DAPK1: variants seen among roughly 807,000 people sequenced by gnomAD.
DAPK1 encodes the protein death associated protein kinase 1.
A neutral mutation model predicts 144.9 loss-of-function variants in DAPK1; 56 were observed. The ratio of observed to expected loss-of-function variants is 0.39; its 90% CI spans 0.31 to 0.48. The LOEUF is 0.48. Ranked by LOEUF, DAPK1 falls within the 20% of genes least tolerant of loss-of-function variation. The pLI, the probability that DAPK1 is intolerant of heterozygous loss-of-function variation, is 0.95. For missense variants in DAPK1, 1,454 were observed against 1,875.4 expected (o/e 0.78, Z 4.15); for synonymous variants, 690 against 749.0 (o/e 0.92, Z 1.29).
At chr9:87,679,052 T>A (rs1824506612) in intron 19 of DAPK1, among the ~76,000 whole-genome samples, 1 of 152,002 alleles carries the variant, frequency 6.6e-6, no homozygotes. Context: ...CTCCCAGGAT[T>A]TAGAACTGAA....
Position 87,527,364 on chromosome 9 carries a change from G to A in DAPK1, c.62+28225G>A, listed in dbSNP as rs36230547. On this transcript the variant is annotated intron_variant, in intron 2 of 25. Transcript: ENST00000408954. ...TGAATCCTTCCTCTCAGGCCCAGTA[G>A]TCTTTGCGGCCTGTTGGGTCTGCAA... Among the ~76,000 whole-genome samples, 913 of 152,330 alleles carry A rather than the reference G, an allele frequency of 6.0e-3. 10 individuals are homozygous for A. Among genetic ancestry groups the A allele is most frequent in the African/African-American group, 0.021 (875 of 41,578 alleles).
Position 87,517,918 on chromosome 9 carries a change from A to T in DAPK1, c.62+18779A>T, listed in dbSNP as rs1325255238. 3.9e-5 allele frequency among the ~76,000 whole-genome samples: 6 copies of T among 152,090 alleles called. No individual in the cohort carries two copies. The East Asian group carries it at 1.2e-3, about 29-fold the overall frequency. On this transcript the variant is annotated intron_variant, in intron 2 of 25. Transcript: ENST00000408954. The stretch of plus-strand genomic sequence containing the variant: ...TGGGAAGGTGAGTCTAGTGGGAATA[A>T]AATGTGGTTGACCGCATTTCTACTA...
intron 9 of DAPK1, 122 bp downstream of exon 9, chr9:87,640,969 A>G (rs535116541): frequency 1.4e-5 from 13 of 941,998 alleles, no homozygotes; most frequent in African/African-American, 4.9e-5. Context: ...TAAGTTTGCT[A>G]TTTGCATCGT....
chr9:87,678,975 A>G (rs1225634344), intron 19 of DAPK1, among the ~76,000 whole-genome samples: 1 of 152,220 alleles, frequency 6.6e-6, no homozygotes, highest in Non-Finnish European at 1.5e-5. Flanking sequence ...CAATGCAGTT[A>G]TAACAGCAAA....
At chr9:87,672,606 C>A (rs946551937) in intron 19 of DAPK1, among the ~76,000 whole-genome samples, 4 of 152,128 alleles carry the variant, frequency 2.6e-5, no homozygotes, top group Admixed American at 2.6e-4. Flanking sequence ...TTCAAGGAGT[C>A]CCTGGAATTT....
At chr9:87,564,137 A>G (rs1006902890) in intron 2 of DAPK1, among the ~76,000 whole-genome samples, 3 of 151,614 alleles carry the variant, frequency 2.0e-5, no homozygotes, top group African/African-American at 7.3e-5. Context: ...TCTACATTGC[A>G]CTCTGCTGAT....
intron 2 of DAPK1, among the ~76,000 whole-genome samples, chr9:87,573,102 T>A (rs955501924): frequency 6.6e-6 from 1 of 152,226 alleles, no homozygotes; most frequent in Admixed American, 6.5e-5. Flanking sequence ...CCCAGCCTTC[T>A]GGGGTTCAGA....
chr9:87,664,571 G>A (rs1410955974), intron 18 of DAPK1, among the ~76,000 whole-genome samples: 2 of 152,182 alleles, frequency 1.3e-5, no homozygotes, highest in African/African-American at 2.4e-5. Context: ...TTGCCCCTGT[G>A]GGCTGGTAGT....
intron 2 of DAPK1, among the ~76,000 whole-genome samples, chr9:87,569,979 A>G (rs751291454): frequency 2.6e-5 from 4 of 152,206 alleles, no homozygotes; most frequent in Non-Finnish European, 5.9e-5. Flanking sequence ...TGGTCTTATT[A>G]TATTTGTGTT....
intron 2 of DAPK1, among the ~76,000 whole-genome samples, chr9:87,534,592 C>T (rs1825801982): frequency 6.6e-6 from 1 of 151,608 alleles, no homozygotes; most frequent in Non-Finnish European, 1.5e-5. Flanking sequence ...GGTTTAAATG[C>T]TTTCCTGTTA....
At chr9:87,602,867 C>T (rs1027116920) in intron 2 of DAPK1, among the ~76,000 whole-genome samples, 2 of 152,162 alleles carry the variant, frequency 1.3e-5, no homozygotes, top group African/African-American at 4.8e-5. Flanking sequence ...CTCCTGACCT[C>T]ATGATCCACC....
intron 2 of DAPK1, among the ~76,000 whole-genome samples, chr9:87,565,855 T>A (rs984208919): frequency 1.2e-4 from 19 of 152,164 alleles, no homozygotes; most frequent in African/African-American, 4.6e-4. Context: ...TTTACATGTA[T>A]TATCTCATTT....
chr9:87,632,415 T>A, intron 3 of DAPK1: 1 of 982,242 alleles, frequency 1.0e-6, no homozygotes, highest in Non-Finnish European at 1.2e-6. Flanking sequence ...CATGTAGGGA[T>A]GAAGGAGGAT....
At chr9:87,563,312 G>C (rs779714050) in intron 2 of DAPK1, among the ~76,000 whole-genome samples, 1 of 152,216 alleles carries the variant, frequency 6.6e-6, no homozygotes, top group South Asian at 2.1e-4. Flanking sequence ...GCACAAAGAT[G>C]AATATGATTT....
At chr9:87,585,073 T>C (rs1827901926) in intron 2 of DAPK1, among the ~76,000 whole-genome samples, 1 of 152,240 alleles carries the variant, frequency 6.6e-6, no homozygotes, top group Non-Finnish European at 1.5e-5. Flanking sequence ...CATGTATATA[T>C]TTTGACTGTT....
chr9:87,658,511 T>G (rs1830713531), intron 18 of DAPK1, among the ~76,000 whole-genome samples: 3 of 152,116 alleles, frequency 2.0e-5, no homozygotes. Flanking sequence ...GGAAGAATCC[T>G]CAGTGGGTGT....
intron 3 of DAPK1, among the ~76,000 whole-genome samples, chr9:87,615,808 C>G (rs1450112661): frequency 1.3e-5 from 2 of 152,228 alleles, no homozygotes; most frequent in African/African-American, 2.4e-5. Flanking sequence ...ACGCTGTGCC[C>G]CCTCTGTCCA....
intron 2 of DAPK1, among the ~76,000 whole-genome samples, chr9:87,503,500 A>C (rs533103754): frequency 6.6e-6 from 1 of 152,290 alleles, no homozygotes; most frequent in African/African-American, 2.4e-5. Context: ...ATTGCATAGT[A>C]ACTGCTTATT....
In DAPK1 at chr9:87,532,978, A is replaced by G. The variant is rs530787022; in HGVS notation, c.62+33839A>G. On this transcript the variant is annotated intron_variant, in intron 2 of 25. Transcript: ENST00000408954. ...TCAACAATAGGTTACTTTTATTTCC[A>G]CTGTTAATTAGGCTTAGTCTGAAGG... is the stretch of plus-strand genomic sequence containing the variant. Among the ~76,000 whole-genome samples the G allele has an allele frequency of 2.6e-5, 4 of 152,200 alleles. No individual in the cohort carries two copies. In the East Asian group the frequency reaches 7.7e-4, roughly 29 times the overall value.
Sources: gnomAD v4.1 joint callset for allele counts (sites outside exome capture counted in the v4.1 genomes callset) on GRCh38, gnomAD v4.1.1 for gene constraint, MANE v1.5 for transcripts, NCBI Gene and HGNC (gene_info 2026-07-23, HGNC 2026-07-21) for gene names.